The following HTT variants were observed in gnomAD, a reference collection of about 807,000 sequenced individuals.
HTT encodes the protein huntington disease protein.
A neutral mutation model predicts 362.3 loss-of-function variants in HTT; 104 were observed. The ratio of observed to expected loss-of-function variants is 0.29; its 90% CI spans 0.24 to 0.34. The LOEUF is 0.34. Among genes scored for constraint, HTT ranks in the 10% least tolerant of loss-of-function variants. The pLI, the probability that HTT is intolerant of heterozygous loss-of-function variation, is 1.00. For synonymous variants in HTT, 1,577 were observed against 1,548.7 expected, an observed-to-expected ratio of 1.02 and a Z score of -0.43; for missense variants, 3,301 against 3,928.6, an observed-to-expected ratio of 0.84 and a Z score of 4.27.
chr4:3,109,055 TAA>T (rs775688422), intron 6 of HTT, among the ~76,000 whole-genome samples: 3 of 125,412 alleles, frequency 2.4e-5, no homozygotes, highest in Non-Finnish European at 3.5e-5. Flanking sequence ...TGCCATTTCT[TAA>T]AAAAAAAAAA....
Position 3,218,941 on chromosome 4 carries a change from G to T in HTT, c.7242+989G>T, listed in dbSNP as rs1387389098. 4.6e-5 allele frequency among the ~76,000 whole-genome samples: 7 copies of T among 152,216 alleles called. No homozygotes were observed. Among genetic ancestry groups the T allele is most frequent in the Non-Finnish European group, 8.8e-5 (6 of 68,020 alleles). The stretch of plus-strand genomic sequence containing the variant: ...GAAGGGTGCGTGCCTGCCTGTGTGT[G>T]TGTGTGCACGTGTGTGTATGTATGC... On this transcript the variant is annotated intron_variant, in intron 52 of 66. Coordinates refer to ENST00000355072, the MANE Select transcript of HTT (RefSeq NM_001388492.1). This position sits in a 1 kb window ranked among gnomAD's most constrained non-coding sequence, Gnocchi z 4.4.
intron 47 of HTT, among the ~76,000 whole-genome samples, chr4:3,211,671 C>G (rs983286954): frequency 2.0e-5 from 3 of 151,784 alleles, no homozygotes; most frequent in Admixed American, 2.0e-4. Flanking sequence ...AATCCAAGAG[C>G]ATAAAAAATT....
At chr4:3,194,994 T>C (rs1229113695) in intron 40 of HTT, among the ~76,000 whole-genome samples, 1 of 152,204 alleles carries the variant, frequency 6.6e-6, no homozygotes, top group East Asian at 1.9e-4. Flanking sequence ...CGCTTTGTGC[T>C]TAAGTTCTAA....
intron 60 of HTT, 108 bp from the exon 61 acceptor site, chr4:3,233,055 T>G: frequency 1.1e-6 from 1 of 873,222 alleles, no homozygotes; most frequent in Non-Finnish European, 1.8e-6. Flanking sequence ...CTGTGTAGTC[T>G]CTTCTGCACA....
intron 1 of HTT, among the ~76,000 whole-genome samples, chr4:3,081,742 A>C (rs1712921535): frequency 6.6e-6 from 1 of 151,258 alleles, no homozygotes; most frequent in African/African-American, 2.4e-5. Context: ...TTTTTAGTAG[A>C]GACGGGGTTT....
intron 9 of HTT, among the ~76,000 whole-genome samples, chr4:3,122,535 A>T (rs1715342290): frequency 1.3e-5 from 2 of 152,212 alleles, no homozygotes; most frequent in Admixed American, 1.3e-4. Context: ...TCTGTATGGA[A>T]TGCGTGCCTT....
chr4:3,097,343 C>G (rs1027479540), intron 2 of HTT, among the ~76,000 whole-genome samples: 1 of 151,880 alleles, frequency 6.6e-6, no homozygotes. Context: ...ATTAAAAGGA[C>G]TGTATGAGGC....
intron 51 of HTT, among the ~76,000 whole-genome samples, chr4:3,216,176 T>C (rs1431186374): frequency 6.6e-6 from 1 of 152,226 alleles, no homozygotes; most frequent in Non-Finnish European, 1.5e-5. Context: ...ATAGTACTTT[T>C]CTCTTCTGGT....
chr4:3,195,750 G>C (rs1248597839), intron 40 of HTT, among the ~76,000 whole-genome samples: 1 of 152,162 alleles, frequency 6.6e-6, no homozygotes, highest in Non-Finnish European at 1.5e-5. Context: ...CTTGGTTCAC[G>C]GATGGTTTTC....
At chr4:3,107,242 A>G (rs750833484) in intron 5 of HTT, 43 bp from the exon 6 acceptor site, 7 of 1,596,234 alleles carry the variant, frequency 4.4e-6, no homozygotes, top group Non-Finnish European at 6.0e-6. Flanking sequence ...GTTTCTCCTG[A>G]AGGAGAGCTG....
At chr4:3,145,662 A>G (rs1716563963) in intron 24 of HTT, among the ~76,000 whole-genome samples, 2 of 152,242 alleles carry the variant, frequency 1.3e-5, no homozygotes, top group South Asian at 4.1e-4. Context: ...ATTTTCCTCC[A>G]GTAGATGGCC....
chr4:3,156,398 G>A (rs1717147643), intron 27 of HTT, among the ~76,000 whole-genome samples: 1 of 152,200 alleles, frequency 6.6e-6, no homozygotes, highest in Admixed American at 6.5e-5. Context: ...GGGATTACAG[G>A]TGTGAGCCAC....
chr4:3,099,662 TGGAGGTGCTCTGTTG>T (rs1714051112), intron 3 of HTT, among the ~76,000 whole-genome samples: 1 of 150,702 alleles, frequency 6.6e-6, no homozygotes, highest in Admixed American at 6.6e-5. Flanking sequence ...TTGTATGGTT[TGGAGGTGCTCTGTTG>T]TATGGTTTGG....
intron 2 of HTT, among the ~76,000 whole-genome samples, chr4:3,095,457 G>C (rs915184034): frequency 3.9e-5 from 6 of 152,374 alleles, no homozygotes; most frequent in Non-Finnish European, 7.3e-5. Context: ...GGAGGTTGCA[G>C]TGAGTAGAGA....
chr4:3,238,380 C>A, intron 64 of HTT, 67 bp from the exon 65 acceptor site: 1 of 1,275,782 alleles, frequency 7.8e-7, no homozygotes. Context: ...GAGCCAAGGC[C>A]CTCCGCGGGC....
chr4:3,150,293 C>T (rs1360205380), intron 26 of HTT, among the ~76,000 whole-genome samples: 3 of 152,158 alleles, frequency 2.0e-5, no homozygotes, highest in African/African-American at 4.8e-5. Context: ...AACTGAACCC[C>T]GATTCGGTTT....
rs1263187764 is a variant in HTT, at chr4:3,084,186, G to A, written c.264-2753G>A. On this transcript the variant is annotated intron_variant, in intron 1 of 66. Coordinates refer to ENST00000355072, the MANE Select transcript of HTT (RefSeq NM_001388492.1). ...ACAACACAGGGGAATACTTGTAATGGAAATGCTTTGTCTTTTTTTTTTTTT... is the reference window on the plus strand; with the variant it reads ...ACAACACAGGGGAATACTTGTAATGAAAATGCTTTGTCTTTTTTTTTTTTT... Among the ~76,000 whole-genome samples, 6 of 145,258 alleles carry A rather than the reference G, an allele frequency of 4.1e-5. No individual in the cohort carries two copies. The East Asian group carries it at 1.2e-3, about 30-fold the overall frequency.
At position 3,242,192 on chromosome 4, in the gene HTT, G is replaced by A. The variant is rs1721833527; in HGVS notation, c.*2133G>A. ...GAATGTAAAACAGAGCCATTCCCTT[G>A]GAATGCATATCGCTGGGCTCAACAT... On this transcript the variant is annotated 3_prime_UTR_variant, in exon 67 of 67. Transcript: ENST00000355072. The A allele has an allele frequency of 6.6e-6, 1 of 152,132 alleles. No individual in the cohort carries two copies. Among genetic ancestry groups the A allele is most frequent in the Non-Finnish European group, 1.5e-5 (1 of 68,038 alleles). The allele number at this position is 152,132 out of a possible 1,614,324, so 9.4% of individuals were successfully genotyped here.
rs751999232 is a variant in HTT at position 3,142,874 on chromosome 4, C to T, written c.3054C>T (p.Thr1018=). 19 of 1,612,776 alleles carry T rather than the reference C, an allele frequency of 1.2e-5. No homozygotes were observed. The South Asian group carries it at 1.8e-4, about 15-fold the overall frequency. Residue 1018 remains threonine, a synonymous_variant, in exon 23 of 67, where the codon ACC becomes ACT. Transcript: ENST00000355072. The stretch of plus-strand genomic sequence containing the variant: ...CTCATGAACTAATCACATCAACCAC[C>T]AGAGCACTCACAGTAAGTCTCTTTC... The part of the protein sequence containing the change: ...AVSHELITST[T]RALTFGCCEA...
Sources: allele counts gnomAD v4.1 joint callset (sites outside exome capture counted in the v4.1 genomes callset), GRCh38; gene constraint gnomAD v4.1.1; non-coding constraint Gnocchi (gnomAD v3.1); transcripts MANE v1.5; gene names NCBI Gene and HGNC (gene_info 2026-07-23, HGNC 2026-07-21).